ULK4: variants seen among roughly 807,000 people sequenced by gnomAD.
The protein encoded by ULK4 is unc-51 like kinase 4.
Under a neutral mutation model 160.6 loss-of-function variants are expected in ULK4, and 133 were observed. The observed-to-expected ratio is 0.83, with a 90% CI of 0.72 to 0.96. The LOEUF (loss-of-function observed/expected upper bound fraction) is 0.96. ULK4 is among the 40% of genes least tolerant of loss of function. The probability of loss-of-function intolerance (pLI) is 0.00; values close to 1 mark genes in which losing one functional copy is unlikely to be tolerated. For synonymous variants in ULK4, 534 were observed against 539.8 expected (o/e 0.99, Z 0.15); for missense variants, 1,580 against 1,499.5 (o/e 1.05, Z -0.89).
intron 16 of ULK4, among the ~76,000 whole-genome samples, chr3:41,888,561 C>T (rs1237869571): frequency 6.6e-6 from 1 of 152,162 alleles, no homozygotes; most frequent in Admixed American, 6.5e-5. Flanking sequence ...GCACAAGGAA[C>T]AATTGTGTCC....
chr3:41,684,630 C>A (rs1337067506), intron 27 of ULK4, among the ~76,000 whole-genome samples: 1 of 152,188 alleles, frequency 6.6e-6, no homozygotes, highest in Non-Finnish European at 1.5e-5. Flanking sequence ...AGGTCCCACC[C>A]CAAGGGGCTT....
Position 41,911,678 on chromosome 3 carries a change from A to G in ULK4, c.897-19T>C, listed in dbSNP as rs928438525. The G allele has an allele frequency of 6.4e-7, 1 of 1,562,682 alleles. No homozygotes were observed. Reference sequence around the variant, plus strand: ...GTTTCTGCTATTATTGGAGAAAACCAACACAATCAAACTTACTTTGGAGTT... The same window carrying G: ...GTTTCTGCTATTATTGGAGAAAACCGACACAATCAAACTTACTTTGGAGTT... On this transcript the variant is annotated intron_variant, in intron 9 of 36. Coordinates refer to ENST00000301831, the MANE Select transcript of ULK4 (RefSeq NM_017886.4).
intron 27 of ULK4, among the ~76,000 whole-genome samples, chr3:41,689,785 G>C (rs1343975874): frequency 1.3e-5 from 2 of 151,952 alleles, no homozygotes. Context: ...AAAAAGTCAG[G>C]AAACAACAGG....
chr3:41,516,595 T>A (rs934458264), intron 32 of ULK4, among the ~76,000 whole-genome samples: 4 of 151,064 alleles, frequency 2.6e-5, no homozygotes, highest in Non-Finnish European at 5.9e-5. Context: ...AAGGCAAACA[T>A]CACATTTTCT....
At chr3:41,759,948 G>A (rs6599177) in intron 21 of ULK4, among the ~76,000 whole-genome samples, 152,070 of 152,272 alleles carry the variant, frequency 1, 75,934 homozygotes, top group Middle Eastern at 1. Flanking sequence ...GCAAAAATTA[G>A]CCCAAAATGT....
intron 27 of ULK4, among the ~76,000 whole-genome samples, chr3:41,684,579 C>T (rs80026026): frequency 6.6e-6 from 1 of 152,282 alleles, no homozygotes; most frequent in East Asian, 1.9e-4. Flanking sequence ...CGTTCTTTGT[C>T]CCAAACGTGT....
At chr3:41,338,783 T>A (rs893660976) in intron 35 of ULK4, among the ~76,000 whole-genome samples, 5 of 151,676 alleles carry the variant, frequency 3.3e-5, no homozygotes, top group South Asian at 2.1e-4. Context: ...TATATATATA[T>A]GATATACATA....
intron 35 of ULK4, among the ~76,000 whole-genome samples, chr3:41,379,203 T>TA (rs36089027): frequency 1.8e-4 from 27 of 147,942 alleles, no homozygotes; most frequent in Middle Eastern, 3.2e-3. Context: ...TTAAAGTATT[T>TA]AAAAAAAAAA....
intron 35 of ULK4, among the ~76,000 whole-genome samples, chr3:41,317,959 T>G (rs905964675): frequency 1.3e-5 from 2 of 152,202 alleles, no homozygotes; most frequent in African/African-American, 4.8e-5. Context: ...CTGCAGGGAA[T>G]TAGTCACTTG....
intron 21 of ULK4, among the ~76,000 whole-genome samples, chr3:41,770,793 A>G (rs1027232447): frequency 6.6e-6 from 1 of 152,240 alleles, no homozygotes; most frequent in African/African-American, 2.4e-5. Flanking sequence ...GATTACAGGC[A>G]TGAGCCAAGA....
chr3:41,267,721 T>G (rs1575375069), intron 35 of ULK4, among the ~76,000 whole-genome samples: 2 of 152,182 alleles, frequency 1.3e-5, no homozygotes, highest in South Asian at 2.1e-4. Context: ...GAAAAGTCCT[T>G]AACATGCACT....
intron 34 of ULK4, among the ~76,000 whole-genome samples, chr3:41,405,814 GTT>G (rs34201902): frequency 2.0e-5 from 3 of 149,432 alleles, no homozygotes; most frequent in African/African-American, 7.4e-5. Flanking sequence ...TTTTTAATGA[GTT>G]TTTTTTTTGT....
At chr3:41,343,055 A>ACAGT (rs1380759238) in intron 35 of ULK4, among the ~76,000 whole-genome samples, 1 of 152,128 alleles carries the variant, frequency 6.6e-6, no homozygotes, top group Non-Finnish European at 1.5e-5. Context: ...TGACAAACCC[A>ACAGT]CAGACAATAT....
chr3:41,456,906 T>C (rs373929567), intron 33 of ULK4, among the ~76,000 whole-genome samples: 2 of 152,202 alleles, frequency 1.3e-5, no homozygotes, highest in East Asian at 3.8e-4. Context: ...TCAGAAGAAC[T>C]TGACTGAAAA....
chr3:41,810,535 C>T (rs1427982162), intron 19 of ULK4, among the ~76,000 whole-genome samples: 1 of 152,122 alleles, frequency 6.6e-6, no homozygotes, highest in African/African-American at 2.4e-5. Flanking sequence ...GTGGCAATGG[C>T]CAGAAGTGGT....
chr3:41,308,180 T>C, intron 35 of ULK4, among the ~76,000 whole-genome samples: 1 of 152,056 alleles, frequency 6.6e-6, no homozygotes, highest in East Asian at 1.9e-4. Flanking sequence ...GGTTTACAAC[T>C]ACAGTAGGTC....
chr3:41,706,389 T>TATATATTAAATATATATAATTAA (rs1383231946), intron 25 of ULK4, among the ~76,000 whole-genome samples: 1 of 145,598 alleles, frequency 6.9e-6, no homozygotes, highest in African/African-American at 2.5e-5. Flanking sequence ...TATATATTTA[T>TATATATTAAATATATATAATTAA]ATATATTAAA....
chr3:41,885,400 T>A (rs1697683728), intron 16 of ULK4, among the ~76,000 whole-genome samples: 1 of 152,190 alleles, frequency 6.6e-6, no homozygotes. Context: ...AAATCCTAAA[T>A]ACAAGTACCA....
intron 20 of ULK4, 108 bp downstream of exon 20, chr3:41,800,024 T>C (rs2125603909): frequency 2.7e-6 from 3 of 1,113,702 alleles, no homozygotes; most frequent in Non-Finnish European, 3.6e-6. Context: ...TACTCTGAGA[T>C]TTCAGTTTCC....
Sources: allele counts gnomAD v4.1 joint callset (sites outside exome capture counted in the v4.1 genomes callset), GRCh38; gene constraint gnomAD v4.1.1; transcripts MANE v1.5; gene names NCBI Gene and HGNC (gene_info 2026-07-23, HGNC 2026-07-21).